ZNF362: variants seen among roughly 807,000 people sequenced by gnomAD.
The protein encoded by ZNF362 is zinc finger protein 362, also known as rotund homolog.
In ZNF362, 11 loss-of-function variants were observed where a neutral mutation model predicts 42.9. The ratio of observed to expected loss-of-function variants is 0.26; its 90% CI spans 0.16 to 0.42. ZNF362 has a LOEUF of 0.42. ZNF362 is among the 20% of genes least tolerant of loss of function. ZNF362 has a pLI of 1.00. For synonymous variants in ZNF362, 255 were observed against 257.3 expected, an observed-to-expected ratio of 0.99 and a Z score of 0.09; for missense variants, 362 against 576.2, an observed-to-expected ratio of 0.63 and a Z score of 3.81.
intron 1 of ZNF362, 84 bp from the exon 2 acceptor site, chr1:33,270,402 AC>A (rs1645893636): frequency 1.7e-6 from 1 of 586,946 alleles, no homozygotes; most frequent in African/African-American, 1.9e-5. Context: ...GACATATTCA[AC>A]ACATAGATGT....
the ZNF362 span, among the ~76,000 whole-genome samples, chr1:33,149,930 C>T: frequency 2.6e-5 from 4 of 152,192 alleles, no homozygotes; most frequent in Non-Finnish European, 5.9e-5. Context: ...GGCACATTTC[C>T]GGAAAGACTC....
At chr1:33,234,807 C>A in the ZNF362 span, among the ~76,000 whole-genome samples, 1 of 152,180 alleles carries the variant, frequency 6.6e-6, no homozygotes, top group Non-Finnish European at 1.5e-5. Context: ...CCTTCCAGAG[C>A]AGGCATTCTA....
the ZNF362 span, among the ~76,000 whole-genome samples, chr1:33,243,245 C>G: frequency 6.6e-6 from 1 of 151,708 alleles, no homozygotes; most frequent in Admixed American, 6.6e-5. Flanking sequence ...AACCCTCCGC[C>G]TCCTGGGTTC....
At position 33,280,550 on chromosome 1, in the gene ZNF362, G is replaced by C. The variant is rs576256576; in HGVS notation, c.683+93G>C. On this transcript the variant is annotated intron_variant, in intron 5 of 8. Coordinates refer to ENST00000539719, the MANE Select transcript of ZNF362 (RefSeq NM_152493.3). This position sits in a 1 kb window ranked among gnomAD's most constrained non-coding sequence, Gnocchi z 5.6. Reference sequence around the variant, plus strand: ...GAGCCCAGCAGCGGGGCTGAAACAGGACCCTTAGGGCTGAGGGGCAGGGCT... The same window carrying C: ...GAGCCCAGCAGCGGGGCTGAAACAGCACCCTTAGGGCTGAGGGGCAGGGCT... 30 of 1,463,806 alleles carry C rather than the reference G, an allele frequency of 2.0e-5. No individual in the cohort carries two copies. The Admixed American group carries it at 7.1e-4, about 35-fold the overall frequency. The allele number at this position is 1,463,806 out of a possible 1,614,324, so 90.7% of individuals were successfully genotyped here.
intron 2 of ZNF362, 104 bp downstream of exon 2, chr1:33,270,716 T>C: frequency 1.9e-6 from 3 of 1,544,358 alleles, no homozygotes; most frequent in Non-Finnish European, 2.6e-6. Context: ...CCCCCGCTGC[T>C]ACCCTCTGGG....
the ZNF362 span, among the ~76,000 whole-genome samples, chr1:33,248,530 T>G: frequency 6.6e-6 from 1 of 152,202 alleles, no homozygotes; most frequent in African/African-American, 2.4e-5. Context: ...TCCTTTGAGA[T>G]TTAGATAAAA....
chr1:33,257,603 G>A (rs1389355985), intron 1 of ZNF362, among the ~76,000 whole-genome samples: 3 of 151,880 alleles, frequency 2.0e-5, no homozygotes, highest in Admixed American at 6.6e-5. Context: ...GAGTTTTGGG[G>A]GAACTGGGAA....
intron 6 of ZNF362, among the ~76,000 whole-genome samples, chr1:33,286,087 C>A (rs1258852424): frequency 5.3e-5 from 8 of 152,014 alleles, no homozygotes; most frequent in Non-Finnish European, 1.0e-4. Context: ...CAAAAAACAA[C>A]AAAAAAAGAA....
the ZNF362 span, chr1:33,181,048 C>T: frequency 6.5e-7 from 1 of 1,548,814 alleles, no homozygotes; most frequent in Non-Finnish European, 8.7e-7. This position sits in a 1 kb window ranked among gnomAD's most constrained non-coding sequence, Gnocchi z 6.5. Flanking sequence ...AAGGCGTCGT[C>T]GATGCCGGTG....
the ZNF362 span, chr1:33,181,583 C>G: frequency 1.4e-5 from 19 of 1,353,424 alleles, no homozygotes; most frequent in African/African-American, 3.1e-5. The surrounding 1 kb of genome is among the most constrained non-coding windows in gnomAD (Gnocchi z 6.5). Flanking sequence ...GGGGTGCTGT[C>G]CGGAAGGAGG....
rs1166365022 is a variant in ZNF362, at chr1:33,266,407, GA to G, written c.-88-4079del. Among the ~76,000 whole-genome samples, 1 of 152,246 alleles carries G rather than the reference GA, an allele frequency of 6.6e-6. No homozygotes were observed. Among genetic ancestry groups the G allele is most frequent in the African/African-American group, 2.4e-5 (1 of 41,466 alleles). ...GGCTGCAGCAGTGACGGCTGATGGG[GA>G]GACAGGCCTAAAGCATATTTAGGTG... On this transcript the variant is annotated intron_variant, in intron 1 of 8. Coordinates refer to ENST00000539719, the MANE Select transcript of ZNF362 (RefSeq NM_152493.3). The surrounding 1 kb of genome is among the most constrained non-coding windows in gnomAD (Gnocchi z 4.3).
chr1:33,240,654 A>G, the ZNF362 span, among the ~76,000 whole-genome samples: 1 of 152,054 alleles, frequency 6.6e-6, no homozygotes, highest in Admixed American at 6.6e-5. Flanking sequence ...TTTACAGAGT[A>G]CATTCATTTT....
the ZNF362 span, among the ~76,000 whole-genome samples, chr1:33,238,995 C>T: frequency 6.6e-6 from 1 of 152,132 alleles, no homozygotes; most frequent in Non-Finnish European, 1.5e-5. Context: ...GTTATGGCAG[C>T]CCCAGCAGGA....
chr1:33,211,330 G>A, the ZNF362 span, among the ~76,000 whole-genome samples: 4 of 152,118 alleles, frequency 2.6e-5, no homozygotes, highest in East Asian at 1.9e-4. Context: ...TCTTCATAGC[G>A]TTGATGGTCT....
At chr1:33,230,476 A>G in the ZNF362 span, among the ~76,000 whole-genome samples, 1 of 152,206 alleles carries the variant, frequency 6.6e-6, no homozygotes, top group Non-Finnish European at 1.5e-5. Context: ...CCAGCTTGTA[A>G]GAGTCTGATG....
At chr1:33,206,097 A>G in the ZNF362 span, among the ~76,000 whole-genome samples, 7 of 152,270 alleles carry the variant, frequency 4.6e-5, no homozygotes, top group African/African-American at 1.7e-4. Context: ...TTCATGTGCA[A>G]ATGCAAAAAC....
At chr1:33,296,192 C>T (rs1001854234) in intron 8 of ZNF362, among the ~76,000 whole-genome samples, 10 of 152,162 alleles carry the variant, frequency 6.6e-5, no homozygotes, top group African/African-American at 2.4e-4. Context: ...TTGGGCCGGA[C>T]CTTTCCACTG....
At chr1:33,192,330 T>C in the ZNF362 span, among the ~76,000 whole-genome samples, 2 of 152,202 alleles carry the variant, frequency 1.3e-5, no homozygotes, top group Non-Finnish European at 2.9e-5. Context: ...CCTAGGCCTC[T>C]ACAATATATT....
the ZNF362 span, among the ~76,000 whole-genome samples, chr1:33,210,936 ATT>A: frequency 1.8e-3 from 254 of 139,866 alleles, no homozygotes; most frequent in East Asian, 4.8e-3. Flanking sequence ...TTTAAGGTTA[ATT>A]TTTTTTTTTT....
Sources: allele counts gnomAD v4.1 joint callset (sites outside exome capture counted in the v4.1 genomes callset), GRCh38; gene constraint gnomAD v4.1.1; non-coding constraint Gnocchi (gnomAD v3.1); transcripts MANE v1.5; gene names NCBI Gene and HGNC (gene_info 2026-07-23, HGNC 2026-07-21).